The following DPH6 variants were observed in gnomAD, a reference collection of about 807,000 sequenced individuals.
The protein encoded by DPH6 is diphthamine biosynthesis 6.
In DPH6, 33 loss-of-function variants were observed where a neutral mutation model predicts 38.2. That is an observed-to-expected ratio of 0.86 (90% confidence interval 0.65 to 1.15). The LOEUF is 1.15. Ranked by LOEUF, DPH6 falls within the 50% of genes most tolerant of loss-of-function variation. The pLI, the probability that DPH6 is intolerant of heterozygous loss-of-function variation, is 0.00. For synonymous variants in DPH6, 108 were observed against 103.0 expected, an observed-to-expected ratio of 1.05 and a Z score of -0.30; for missense variants, 325 against 320.0, an observed-to-expected ratio of 1.02 and a Z score of -0.12.
chr15:35,390,785 G>A (rs910831278), intron 6 of DPH6, among the ~76,000 whole-genome samples: 6 of 151,994 alleles, frequency 3.9e-5, no homozygotes, highest in African/African-American at 1.2e-4. Flanking sequence ...CCATTGGTTC[G>A]AACTTCCTCC....
intron 3 of DPH6, among the ~76,000 whole-genome samples, chr15:35,294,590 T>C (rs751025447): frequency 3.3e-5 from 5 of 152,214 alleles, no homozygotes; most frequent in Non-Finnish European, 7.3e-5. Flanking sequence ...CTAACTCTGA[T>C]TGTATTAATT....
chr15:35,347,274 T>A (rs1368022428), intron 3 of DPH6, among the ~76,000 whole-genome samples: 1 of 152,168 alleles, frequency 6.6e-6, no homozygotes, highest in African/African-American at 2.4e-5. Context: ...TCACTTAGCA[T>A]AATGTCCTCA....
intron 3 of DPH6, among the ~76,000 whole-genome samples, chr15:35,485,154 G>A (rs1176928551): frequency 6.6e-6 from 1 of 152,122 alleles, no homozygotes; most frequent in African/African-American, 2.4e-5. Flanking sequence ...ACTGAGGCAT[G>A]GATAGGTAAA....
chr15:35,179,181 G>A, the DPH6 span, among the ~76,000 whole-genome samples: 1 of 126,182 alleles, frequency 7.9e-6, no homozygotes, highest in Admixed American at 9.5e-5. Context: ...ACCCCAGCCT[G>A]TGCAACAAGA....
At chr15:35,185,600 T>G in the DPH6 span, among the ~76,000 whole-genome samples, 3 of 151,820 alleles carry the variant, frequency 2.0e-5, no homozygotes, top group African/African-American at 7.2e-5. Context: ...AGTGGACCTT[T>G]CAGATAGTAG....
At chr15:35,357,861 T>C (rs550408745) in intron 3 of DPH6, among the ~76,000 whole-genome samples, 2 of 152,072 alleles carry the variant, frequency 1.3e-5, no homozygotes, top group African/African-American at 4.8e-5. Flanking sequence ...ACAATGTGCA[T>C]AGGTGAAGAT....
At chr15:35,517,092 G>A (rs1429640379) in intron 3 of DPH6, among the ~76,000 whole-genome samples, 4 of 151,324 alleles carry the variant, frequency 2.6e-5, no homozygotes, top group Non-Finnish European at 5.9e-5. Flanking sequence ...ATTTTTTTCA[G>A]GTTTAATCTG....
intron 3 of DPH6, among the ~76,000 whole-genome samples, chr15:35,302,005 A>T (rs1382749152): frequency 1.3e-5 from 2 of 152,128 alleles, no homozygotes; most frequent in African/African-American, 2.4e-5. Flanking sequence ...AAAAAGATTT[A>T]AAAACCAAAT....
chr15:35,430,797 T>C (rs1229154494), intron 5 of DPH6, among the ~76,000 whole-genome samples: 1 of 152,166 alleles, frequency 6.6e-6, no homozygotes, highest in African/African-American at 2.4e-5. Flanking sequence ...TATTTAGAAA[T>C]TGTGACACTG....
At chr15:35,296,237 C>T (rs1170862393) in intron 3 of DPH6, among the ~76,000 whole-genome samples, 1 of 152,140 alleles carries the variant, frequency 6.6e-6, no homozygotes, top group Non-Finnish European at 1.5e-5. Context: ...CCACGCCTGG[C>T]CTTACTATGT....
rs541438212 is a variant in DPH6 at position 35,464,165 on chromosome 15, G to A, written c.313-9345C>T. ...AAAAATTATCTGGGCGTGGTGGCACGCGCCTGTAATCCCAGCTACTTGGGA... is the reference window on the plus strand; with the variant it reads ...AAAAATTATCTGGGCGTGGTGGCACACGCCTGTAATCCCAGCTACTTGGGA... On this transcript the variant is annotated intron_variant, in intron 3 of 8. Coordinates refer to ENST00000256538, the MANE Select transcript of DPH6 (RefSeq NM_080650.4). Among the ~76,000 whole-genome samples the A allele has an allele frequency of 2.6e-4, 39 of 152,022 alleles. No individual in the cohort carries two copies. The South Asian group carries it at 7.1e-3, about 28-fold the overall frequency.
intron 5 of DPH6, among the ~76,000 whole-genome samples, chr15:35,431,035 C>T (rs1323148614): frequency 6.6e-6 from 1 of 152,014 alleles, no homozygotes; most frequent in Non-Finnish European, 1.5e-5. Context: ...GCCTATATTC[C>T]ATCTGTTGTG....
At chr15:35,226,787 A>G (rs984471879) in intron 3 of DPH6, among the ~76,000 whole-genome samples, 1 of 152,226 alleles carries the variant, frequency 6.6e-6, no homozygotes, top group South Asian at 2.1e-4. Context: ...CGCAATACTG[A>G]TCAAAATACC....
chr15:35,146,485 T>C, the DPH6 span, among the ~76,000 whole-genome samples: 1 of 152,302 alleles, frequency 6.6e-6, no homozygotes, highest in East Asian at 1.9e-4. Flanking sequence ...TATCTTTTAC[T>C]TTGGATGTTA....
the DPH6 span, among the ~76,000 whole-genome samples, chr15:35,199,320 A>C: frequency 6.6e-6 from 1 of 152,334 alleles, no homozygotes; most frequent in East Asian, 1.9e-4. Context: ...CAGTTATAAA[A>C]TAATTGTCTC....
At chr15:35,335,899 A>C (rs1214222832) in intron 3 of DPH6, among the ~76,000 whole-genome samples, 2 of 152,208 alleles carry the variant, frequency 1.3e-5, no homozygotes, top group South Asian at 2.1e-4. Flanking sequence ...ATTTTTAAAT[A>C]GTTTCTTCTA....
chr15:35,542,965 T>TATATATATATATATATATAA (rs58422347), intron 1 of DPH6, among the ~76,000 whole-genome samples: 5,660 of 75,992 alleles, frequency 0.074, 855 homozygotes, highest in South Asian at 0.11. Flanking sequence ...TATATATATA[T>TATATATATATATATATATAA]AAAATAATTT....
At chr15:35,541,115 C>T (rs2055246847) in intron 2 of DPH6, among the ~76,000 whole-genome samples, 1 of 152,076 alleles carries the variant, frequency 6.6e-6, no homozygotes, top group Non-Finnish European at 1.5e-5. Flanking sequence ...CCATCTGTTA[C>T]TCATCAATTG....
At chr15:35,479,840 T>G (rs2054305781) in intron 3 of DPH6, among the ~76,000 whole-genome samples, 1 of 152,122 alleles carries the variant, frequency 6.6e-6, no homozygotes, top group Admixed American at 6.6e-5. Context: ...TTACACATAT[T>G]AAAAATTCTA....
Sources: allele counts gnomAD v4.1 joint callset (sites outside exome capture counted in the v4.1 genomes callset), GRCh38; gene constraint gnomAD v4.1.1; transcripts MANE v1.5; gene names NCBI Gene and HGNC (gene_info 2026-07-23, HGNC 2026-07-21).